The following UBE2W variants were observed in gnomAD, a reference collection of about 807,000 sequenced individuals.
The protein encoded by UBE2W is ubiquitin conjugating enzyme E2 W, also known as ubiquitin-conjugating enzyme E2 W.
In UBE2W, 18 loss-of-function variants were observed where a neutral mutation model predicts 27.2. The ratio of observed to expected loss-of-function variants is 0.66; its 90% CI spans 0.46 to 0.98. The LOEUF (loss-of-function observed/expected upper bound fraction) is 0.98, where lower values mean the gene tolerates loss of function less well. Among genes scored for constraint, UBE2W ranks in the 50% least tolerant of loss-of-function variants. The probability of loss-of-function intolerance (pLI) is 0.00; values close to 1 mark genes in which losing one functional copy is unlikely to be tolerated. For synonymous variants in UBE2W, 53 were observed against 57.2 expected, an observed-to-expected ratio of 0.93 and a Z score of 0.33; for missense variants, 90 against 180.2, an observed-to-expected ratio of 0.50 and a Z score of 2.87.
Position 73,788,876 on chromosome 8 carries a change from G to C in UBE2W, c.*5226C>G. 1 of 985,268 alleles carries C rather than the reference G, an allele frequency of 1.0e-6. No individual in the cohort carries two copies. Among genetic ancestry groups the C allele is most frequent in the Non-Finnish European group, 1.2e-6 (1 of 829,918 alleles). 61.0% of individuals were successfully genotyped at this position (985,268 alleles called of 1,614,324 possible). A position where few individuals can be genotyped will look rare whatever the true frequency, so the allele number is the denominator to read the frequency against. On this transcript the variant is annotated 3_prime_UTR_variant, in exon 6 of 6. Coordinates refer to ENST00000602593, the MANE Select transcript of UBE2W (RefSeq NM_018299.6). ...CCTCACTCACCATATTAAAACTGGAGTTCTTGAGGTATGTTAAGATAGATC... is the reference window on the plus strand; with the variant it reads ...CCTCACTCACCATATTAAAACTGGACTTCTTGAGGTATGTTAAGATAGATC...
At chr8:73,802,016 C>T (rs960303584) in intron 5 of UBE2W, among the ~76,000 whole-genome samples, 7 of 152,186 alleles carry the variant, frequency 4.6e-5, no homozygotes, top group Non-Finnish European at 1.0e-4. Flanking sequence ...GTAGAGGTAA[C>T]AGATGGCAGA....
At chr8:73,867,303 G>A (rs777554675) in intron 1 of UBE2W, among the ~76,000 whole-genome samples, 3 of 152,184 alleles carry the variant, frequency 2.0e-5, no homozygotes, top group Non-Finnish European at 4.4e-5. Flanking sequence ...TTGGGAGACT[G>A]AGGCGGACGG....
chr8:73,826,014 G>A (rs1386949153), intron 2 of UBE2W, among the ~76,000 whole-genome samples: 1 of 152,044 alleles, frequency 6.6e-6, no homozygotes, highest in Non-Finnish European at 1.5e-5. Flanking sequence ...ACAGAGAACC[G>A]TAGCTGTCAG....
Position 73,790,343 on chromosome 8 carries a change from G to A in UBE2W, c.*3759C>T, listed in dbSNP as rs994529615. On this transcript the variant is annotated 3_prime_UTR_variant, in exon 6 of 6. Transcript: ENST00000602593. ...ACAAAGAGGATTGGGGCCAGTTGGT[G>A]CAGATTAAAAGACACCTTCTTCACA... The A allele has an allele frequency of 4.7e-5, 46 of 985,288 alleles. No individual in the cohort carries two copies. Among genetic ancestry groups the A allele is most frequent in the African/African-American group, 1.2e-4 (7 of 57,236 alleles). The allele number at this position is 985,288 out of a possible 1,614,324, so 61.0% of individuals were successfully genotyped here.
chr8:73,844,967 G>A (rs1311465609), intron 1 of UBE2W, among the ~76,000 whole-genome samples: 2 of 152,060 alleles, frequency 1.3e-5, no homozygotes, highest in African/African-American at 2.4e-5. Context: ...CCCCGTCTGG[G>A]AAGCGAGGAG....
chr8:73,865,526 C>T (rs1297934722), intron 1 of UBE2W, among the ~76,000 whole-genome samples: 6 of 152,136 alleles, frequency 3.9e-5, no homozygotes, highest in Non-Finnish European at 5.9e-5. Context: ...GTGGGAGAAT[C>T]GCTTGGGTCC....
rs1456834064 is a variant in UBE2W, at chr8:73,793,271, T to G, written c.*831A>C. ...TAATGTACAAATAACAAGCCCAAATTATGGACTGCAGCAATTTAATCATCA... is the reference window on the plus strand; with the variant it reads ...TAATGTACAAATAACAAGCCCAAATGATGGACTGCAGCAATTTAATCATCA... On this transcript the variant is annotated 3_prime_UTR_variant, in exon 6 of 6. Transcript: ENST00000602593. The G allele has an allele frequency of 5.1e-6, 5 of 985,680 alleles. No individual in the cohort carries two copies. The East Asian group carries it at 5.7e-4, about 112-fold the overall frequency. 61.1% of individuals were successfully genotyped at this position (985,680 alleles called of 1,614,324 possible).
rs1370334722 is a variant in UBE2W at position 73,791,535 on chromosome 8, T to G, written c.*2567A>C. The G allele has an allele frequency of 1.0e-6, 1 of 985,134 alleles. No homozygotes were observed. The highest frequency in any genetic ancestry group is 6.2e-5 in the Admixed American group (1 of 16,250). 61.0% of individuals were successfully genotyped at this position (985,134 alleles called of 1,614,324 possible). A position where few individuals can be genotyped will look rare whatever the true frequency, so the allele number is the denominator to read the frequency against. ...ATATACATTTTCTTGATATTCTGGT[T>G]GTCTTTCAACAATGCATTACAGAGA... On this transcript the variant is annotated 3_prime_UTR_variant, in exon 6 of 6. Coordinates refer to ENST00000602593, the MANE Select transcript of UBE2W (RefSeq NM_018299.6).
In UBE2W at chr8:73,791,499, A is replaced by G; in HGVS notation, c.*2603T>C. On this transcript the variant is annotated 3_prime_UTR_variant, in exon 6 of 6. Transcript: ENST00000602593. ...GAGGAAATGCAGGGAGGAGGCAAGT[A>G]GCATATTCCTATATACATTTTCTTG... The G allele has an allele frequency of 2.0e-6, 2 of 985,308 alleles. No individual in the cohort carries two copies. Among genetic ancestry groups the G allele is most frequent in the Non-Finnish European group, 2.4e-6 (2 of 829,820 alleles). 61.0% of individuals were successfully genotyped at this position (985,308 alleles called of 1,614,324 possible). A position where few individuals can be genotyped will look rare whatever the true frequency, so the allele number is the denominator to read the frequency against.
chr8:73,810,387 C>G, intron 4 of UBE2W, 87 bp downstream of exon 4: 1 of 1,286,598 alleles, frequency 7.8e-7, no homozygotes. Flanking sequence ...AATCCTTCCT[C>G]CAAATAAAAA....
chr8:73,872,825 CAT>C (rs1186402743), intron 1 of UBE2W, among the ~76,000 whole-genome samples: 5 of 151,640 alleles, frequency 3.3e-5, no homozygotes, highest in East Asian at 3.9e-4. Context: ...AAGAAGTTCT[CAT>C]GTGTATACTT....
chr8:73,796,709 T>A (rs1174857146), intron 5 of UBE2W: 6 of 959,668 alleles, frequency 6.3e-6, no homozygotes, highest in Non-Finnish European at 7.4e-6. Context: ...AATCAAGAGT[T>A]TATAAGCAAA....
intron 3 of UBE2W, 52 bp downstream of exon 3, chr8:73,825,095 G>T: frequency 1.8e-6 from 2 of 1,111,324 alleles, no homozygotes; most frequent in South Asian, 1.5e-5. Flanking sequence ...AACATCTCTG[G>T]CATTTAGCTA....
chr8:73,813,083 C>CAAAAAAAAAAAAAAAAAA lies in UBE2W; in HGVS notation c.211-2472_211-2455dup, dbSNP rs56094830. 6.2e-4 allele frequency among the ~76,000 whole-genome samples: 27 copies of CAAAAAAAAAAAAAAAAAA among 43,456 alleles called. 3 individuals are homozygous for CAAAAAAAAAAAAAAAAAA. Among genetic ancestry groups the CAAAAAAAAAAAAAAAAAA allele is most frequent in the East Asian group, 7.7e-4 (1 of 1,294 alleles). 28.5% of individuals were successfully genotyped at this position (43,456 alleles called of 152,430 possible). On this transcript the variant is annotated intron_variant, in intron 3 of 5. Transcript: ENST00000602593. ...GAAGAATAGTGATCTGAAAGTGCCA[C>CAAAAAAAAAAAAAAAAAA]AAAAAAAAAAAAAAAAAAAAAAAAA...
In UBE2W at chr8:73,807,384, CTG is replaced by C. The variant is rs1195463723; in HGVS notation, c.367-1660_367-1659del. On this transcript the variant is annotated intron_variant, in intron 4 of 5. Coordinates refer to ENST00000602593, the MANE Select transcript of UBE2W (RefSeq NM_018299.6). The stretch of plus-strand genomic sequence containing the variant: ...CCAGAAAGCAATCGTGAGTAGGACT[CTG>C]TGATAGCAGGAAGGAAAACAGTTAG... Among the ~76,000 whole-genome samples the C allele has an allele frequency of 3.9e-5, 6 of 152,300 alleles. No individual in the cohort carries two copies. The East Asian group carries it at 7.7e-4, about 20-fold the overall frequency.
chr8:73,816,493 G>A (rs1809390905), intron 3 of UBE2W, among the ~76,000 whole-genome samples: 1 of 152,162 alleles, frequency 6.6e-6, no homozygotes, highest in African/African-American at 2.4e-5. Flanking sequence ...TGAATTTTGA[G>A]CAACAGAAAA....
chr8:73,850,754 G>T (rs965362690), intron 1 of UBE2W, among the ~76,000 whole-genome samples: 4 of 132,106 alleles, frequency 3.0e-5, no homozygotes, highest in African/African-American at 8.6e-5. Context: ...AAAAAAACAG[G>T]ACACAGAAGG....
At chr8:73,849,815 G>T (rs1392504359) in intron 1 of UBE2W, among the ~76,000 whole-genome samples, 1 of 151,968 alleles carries the variant, frequency 6.6e-6, no homozygotes, top group African/African-American at 2.4e-5. Flanking sequence ...GAATGGTTCA[G>T]AGTCAAAGGA....
At chr8:73,815,144 A>G (rs1037914099) in intron 3 of UBE2W, among the ~76,000 whole-genome samples, 4 of 152,328 alleles carry the variant, frequency 2.6e-5, no homozygotes, top group South Asian at 4.1e-4. Context: ...TGGGAGGTCA[A>G]TGTGGGAGGA....
Sources: gnomAD v4.1 joint callset for allele counts (sites outside exome capture counted in the v4.1 genomes callset) on GRCh38, gnomAD v4.1.1 for gene constraint, MANE v1.5 for transcripts, NCBI Gene and HGNC (gene_info 2026-07-23, HGNC 2026-07-21) for gene names.